Variants in GRIA2 observed in about 807,000 individuals in gnomAD.
GRIA2 encodes the protein glutamate ionotropic receptor AMPA type subunit 2.
GRIA2 carries 14 observed loss-of-function variants against 97.3 expected under a neutral mutation model. That is an observed-to-expected ratio of 0.14 (90% CI 0.10 to 0.23). The LOEUF (loss-of-function observed/expected upper bound fraction) is 0.23. Ranked by LOEUF, GRIA2 falls within the 10% of genes least tolerant of loss-of-function variation. The pLI is 1.00. For missense variants in GRIA2, 558 were observed against 1,069.8 expected, an observed-to-expected ratio of 0.52 and a Z score of 6.67; for synonymous variants, 412 against 387.8, an observed-to-expected ratio of 1.06 and a Z score of -0.73.
At chr4:157,222,687 G>T (rs1165920135) in intron 2 of GRIA2, among the ~76,000 whole-genome samples, 1 of 152,230 alleles carries the variant, frequency 6.6e-6, no homozygotes, top group African/African-American at 2.4e-5. Context: ...TGAAAATCTG[G>T]AGAAGTCGCT....
rs112137551 is a variant in GRIA2 at position 157,270,925 on chromosome 4, GT to G, written c.230-32616del. ...TTGTACATTATTGGAACTACAATTTGTTTTTTTTTTTGCATTGTACATTTTT... is the reference window on the plus strand; with the variant it reads ...TTGTACATTATTGGAACTACAATTTGTTTTTTTTTTGCATTGTACATTTTT... On this transcript the variant is annotated intron_variant, in intron 2 of 15. Transcript: ENST00000264426. Among the ~76,000 whole-genome samples, 81 of 145,164 alleles carry G rather than the reference GT, an allele frequency of 5.6e-4. 1 individual carries two copies. In the Middle Eastern group the frequency reaches 0.011, roughly 19 times the overall value.
At chr4:157,262,760 T>A (rs1162297477) in intron 2 of GRIA2, among the ~76,000 whole-genome samples, 2 of 152,016 alleles carry the variant, frequency 1.3e-5, no homozygotes, top group Admixed American at 6.6e-5. Flanking sequence ...CCTCTCTCTC[T>A]CTCTCATTAA....
At chr4:157,321,343 TA>T (rs1734555801) in intron 5 of GRIA2, 94 bp from the exon 6 acceptor site, 2 of 833,104 alleles carry the variant, frequency 2.4e-6, no homozygotes, top group Non-Finnish European at 3.8e-6. Flanking sequence ...TTCTTTGAAA[TA>T]TCTAAAACCA....
chr4:157,261,164 G>A (rs78609684), intron 2 of GRIA2, among the ~76,000 whole-genome samples: 3 of 152,146 alleles, frequency 2.0e-5, no homozygotes, highest in South Asian at 4.2e-4. Flanking sequence ...GGTGAAGGAC[G>A]AGCAAAGGCA....
intron 12 of GRIA2, among the ~76,000 whole-genome samples, chr4:157,347,352 G>T (rs1409791876): frequency 6.6e-6 from 1 of 152,092 alleles, no homozygotes; most frequent in Non-Finnish European, 1.5e-5. Flanking sequence ...GTCTTTTAAA[G>T]ACCACTCTTG....
chr4:157,358,178 C>CT (rs1267430996), intron 12 of GRIA2, among the ~76,000 whole-genome samples: 2 of 152,132 alleles, frequency 1.3e-5, no homozygotes, highest in Non-Finnish European at 2.9e-5. Flanking sequence ...TATAACTAAT[C>CT]TTTCAATTTG....
intron 11 of GRIA2, among the ~76,000 whole-genome samples, chr4:157,337,107 C>T (rs1334040594): frequency 6.6e-6 from 1 of 152,158 alleles, no homozygotes; most frequent in East Asian, 1.9e-4. Flanking sequence ...AAATGGGCAA[C>T]ATTATTTATT....
intron 4 of GRIA2, 65 bp downstream of exon 4, chr4:157,312,940 A>T: frequency 1.0e-6 from 1 of 977,426 alleles, no homozygotes; most frequent in Non-Finnish European, 1.5e-6. Flanking sequence ...CAGCATTTGC[A>T]ATGTGTATTT....
chr4:157,248,802 ATATATATATAT>A (rs1730887550), intron 2 of GRIA2, among the ~76,000 whole-genome samples: 2 of 141,326 alleles, frequency 1.4e-5, no homozygotes, highest in Non-Finnish European at 3.1e-5. Flanking sequence ...ATATATATAT[ATATATATATAT>A]AAATAAAATA....
chr4:157,326,441 A>G (rs1471117962), intron 6 of GRIA2, among the ~76,000 whole-genome samples: 1 of 152,194 alleles, frequency 6.6e-6, no homozygotes, highest in Admixed American at 6.5e-5. Context: ...GATATAACTC[A>G]GGCTCCTAGA....
chr4:157,286,184 AAAATAAT>A lies in GRIA2; in HGVS notation c.230-17367_230-17361del, dbSNP rs943925614. On this transcript the variant is annotated intron_variant, in intron 2 of 15. Transcript: ENST00000264426. ...TATCATTATCTCATTTTTACAGATG[AAAATAAT>A]TATGTAATGTGCCCAAAGTCATACA... is the stretch of plus-strand genomic sequence containing the variant. 2.8e-4 allele frequency among the ~76,000 whole-genome samples: 43 copies of A among 151,670 alleles called. No individual in the cohort carries two copies. The East Asian group carries it at 6.6e-3, about 23-fold the overall frequency.
intron 2 of GRIA2, among the ~76,000 whole-genome samples, chr4:157,283,452 A>C (rs1190902824): frequency 1.3e-5 from 2 of 152,008 alleles, no homozygotes; most frequent in Non-Finnish European, 2.9e-5. Flanking sequence ...CTAAGTATTA[A>C]ATTACTTATA....
chr4:157,365,656 A>T lies in GRIA2; in HGVS notation c.*2225A>T, dbSNP rs938602082. The T allele has an allele frequency of 1.2e-4, 19 of 152,048 alleles. No homozygotes were observed. The highest frequency in any genetic ancestry group is 4.6e-4 in the African/African-American group (19 of 41,414). The allele number at this position is 152,048 out of a possible 1,614,324, so 9.4% of individuals were successfully genotyped here. On this transcript the variant is annotated 3_prime_UTR_variant, in exon 16 of 16. Coordinates refer to ENST00000264426, the MANE Select transcript of GRIA2 (RefSeq NM_001083619.3). ...AAGCAGTACTCATAGTTTAATATCCATGTAACGGTGCATCAATATATTGCT... is the reference window on the plus strand; with the variant it reads ...AAGCAGTACTCATAGTTTAATATCCTTGTAACGGTGCATCAATATATTGCT...
intron 9 of GRIA2, chr4:157,334,950 A>T (rs1262908402): frequency 6.6e-6 from 1 of 152,142 alleles, no homozygotes; most frequent in African/African-American, 2.4e-5. Flanking sequence ...TTTTGCCTTT[A>T]TCATGCCATT....
chr4:157,314,857 C>G (rs780954825), intron 4 of GRIA2, among the ~76,000 whole-genome samples: 2 of 152,082 alleles, frequency 1.3e-5, no homozygotes, highest in Admixed American at 6.6e-5. Context: ...TTTATTGAGG[C>G]CATGCTTTGT....
intron 2 of GRIA2, among the ~76,000 whole-genome samples, chr4:157,236,678 T>G (rs540936749): frequency 4.9e-4 from 74 of 152,286 alleles, no homozygotes; most frequent in African/African-American, 1.7e-3. Context: ...GTATGTCTGT[T>G]TCTGCCTAAT....
chr4:157,266,971 G>C (rs1377508074), intron 2 of GRIA2, among the ~76,000 whole-genome samples: 2 of 151,962 alleles, frequency 1.3e-5, no homozygotes, highest in Non-Finnish European at 2.9e-5. Context: ...TCAGCTATTT[G>C]AGAGACGTAG....
intron 9 of GRIA2, 145 bp from the exon 10 acceptor site, chr4:157,335,526 A>G (rs1432995768): frequency 1.6e-6 from 1 of 616,014 alleles, no homozygotes; most frequent in African/African-American, 1.8e-5. Context: ...TGCTTAAATT[A>G]TTCCTCTACT....
At position 157,336,128 on chromosome 4, in the gene GRIA2, A is replaced by G. The variant is rs147121005; in HGVS notation, c.1474-249A>G. Among the ~76,000 whole-genome samples the G allele has an allele frequency of 4.3e-3, 650 of 152,130 alleles. 9 individuals are homozygous for G. The highest frequency in any genetic ancestry group is 0.015 in the African/African-American group (610 of 41,508). On this transcript the variant is annotated intron_variant, in intron 10 of 15. Coordinates refer to ENST00000264426, the MANE Select transcript of GRIA2 (RefSeq NM_001083619.3). ...CCATATGTATTGTCAAAAGGCTGCAAATGCATGGATGCAGTGCAGATGTGT... is the reference window on the plus strand; with the variant it reads ...CCATATGTATTGTCAAAAGGCTGCAGATGCATGGATGCAGTGCAGATGTGT...
Sources: gnomAD v4.1 joint callset for allele counts (sites outside exome capture counted in the v4.1 genomes callset) on GRCh38, gnomAD v4.1.1 for gene constraint, MANE v1.5 for transcripts, NCBI Gene and HGNC (gene_info 2026-07-23, HGNC 2026-07-21) for gene names.